ATXN1: variants seen among roughly 807,000 people sequenced by gnomAD.
ATXN1 encodes ataxin 1.
A neutral mutation model predicts 56.4 loss-of-function variants in ATXN1; 8 were observed. The observed-to-expected ratio is 0.14, with a 90% CI of 0.08 to 0.26. The LOEUF (loss-of-function observed/expected upper bound fraction) is 0.26, where lower values mean the gene tolerates loss of function less well. ATXN1 is among the 10% of genes least tolerant of loss of function. The pLI, the probability that ATXN1 is intolerant of heterozygous loss-of-function variation, is 1.00. For synonymous variants in ATXN1, 514 were observed against 494.6 expected (o/e 1.04, Z -0.52); for missense variants, 987 against 1,106.5 (o/e 0.89, Z 1.53).
intron 3 of ATXN1, among the ~76,000 whole-genome samples, chr6:16,610,944 C>A (rs573384755): frequency 6.6e-6 from 1 of 152,002 alleles, no homozygotes; most frequent in Admixed American, 6.6e-5. Context: ...GGTGGGGGAT[C>A]CTTTAGAGCC....
intron 5 of ATXN1, among the ~76,000 whole-genome samples, chr6:16,507,846 C>T (rs1366407739): frequency 6.6e-6 from 1 of 152,098 alleles, no homozygotes; most frequent in Non-Finnish European, 1.5e-5. Flanking sequence ...TTCCTAGTTG[C>T]AAGCACTGGA....
At chr6:16,579,231 TA>T (rs913537033) in intron 4 of ATXN1, among the ~76,000 whole-genome samples, 16 of 152,258 alleles carry the variant, frequency 1.1e-4, no homozygotes, top group Non-Finnish European at 1.8e-4. Flanking sequence ...AGGAGGTCAT[TA>T]GCTCCACCTG....
At chr6:16,511,750 G>T (rs767191800) in intron 5 of ATXN1, among the ~76,000 whole-genome samples, 1 of 152,164 alleles carries the variant, frequency 6.6e-6, no homozygotes, top group Non-Finnish European at 1.5e-5. Context: ...CAAGTTGATA[G>T]TCCACCCATT....
intron 4 of ATXN1, among the ~76,000 whole-genome samples, chr6:16,554,311 C>T (rs1023258690): frequency 6.6e-6 from 1 of 152,192 alleles, no homozygotes; most frequent in Non-Finnish European, 1.5e-5. Flanking sequence ...TGCGTTTAGC[C>T]CTGTGCTAAG....
At chr6:16,323,539 AAAAAAAAAAAAAAAAATAG>A (rs1199895549) in intron 7 of ATXN1, among the ~76,000 whole-genome samples, 1 of 150,394 alleles carries the variant, frequency 6.6e-6, no homozygotes. Flanking sequence ...AAAAAAAAAA[AAAAAAAAAAAAAAAAATAG>A]AAGAGTCTGG....
At chr6:16,461,501 G>A (rs760576066) in intron 6 of ATXN1, among the ~76,000 whole-genome samples, 6 of 152,200 alleles carry the variant, frequency 3.9e-5, no homozygotes, top group Non-Finnish European at 5.9e-5. Flanking sequence ...CCCTTTTGGG[G>A]AACAAAGAAT....
At chr6:16,472,253 T>G (rs890495989) in intron 6 of ATXN1, among the ~76,000 whole-genome samples, 4 of 152,192 alleles carry the variant, frequency 2.6e-5, no homozygotes, top group East Asian at 1.9e-4. Flanking sequence ...ACATACATAT[T>G]TATAAAGAGA....
intron 4 of ATXN1, among the ~76,000 whole-genome samples, chr6:16,535,799 C>T (rs973741571): frequency 5.3e-5 from 8 of 152,150 alleles, no homozygotes; most frequent in African/African-American, 1.7e-4. Context: ...CTGACACAAC[C>T]TCGGCTGAGG....
chr6:16,681,696 T>C (rs2113401256), intron 2 of ATXN1, among the ~76,000 whole-genome samples: 1 of 152,312 alleles, frequency 6.6e-6, no homozygotes. Context: ...TATATATTTT[T>C]CAAGTCATGA....
intron 6 of ATXN1, among the ~76,000 whole-genome samples, chr6:16,353,262 C>T (rs1177671212): frequency 6.6e-6 from 1 of 152,166 alleles, no homozygotes; most frequent in Non-Finnish European, 1.5e-5. Context: ...CTCAACAAGG[C>T]TGAGAACGAG....
chr6:16,619,884 A>G (rs1384333071), intron 3 of ATXN1, among the ~76,000 whole-genome samples: 1 of 149,430 alleles, frequency 6.7e-6, no homozygotes, highest in African/African-American at 2.5e-5. Flanking sequence ...CTCTAAGGGA[A>G]AAAAAAAAAG....
intron 6 of ATXN1, among the ~76,000 whole-genome samples, chr6:16,396,013 C>CAAAA (rs59358244): frequency 1.2e-4 from 5 of 42,238 alleles, no homozygotes; most frequent in South Asian, 1.2e-3. Context: ...GACTCCGTCT[C>CAAAA]AAAAAAAAAA....
chr6:16,437,387 CAT>C (rs1230427329), intron 6 of ATXN1, among the ~76,000 whole-genome samples: 3 of 152,194 alleles, frequency 2.0e-5, no homozygotes, highest in South Asian at 2.1e-4. Flanking sequence ...AAAAGCTACA[CAT>C]GTCTACATGG....
intron 7 of ATXN1, among the ~76,000 whole-genome samples, chr6:16,324,011 T>C (rs984535020): frequency 6.6e-6 from 1 of 152,180 alleles, no homozygotes; most frequent in Non-Finnish European, 1.5e-5. Context: ...TGACATCTCA[T>C]AATACAAAGA....
intron 2 of ATXN1, chr6:16,737,914 T>A (rs1020683374): frequency 1.3e-5 from 2 of 152,100 alleles, no homozygotes; most frequent in South Asian, 2.1e-4. Flanking sequence ...AAATTAGTTA[T>A]AAACACAGAA....
chr6:16,387,614 T>C (rs1758268117), intron 6 of ATXN1, among the ~76,000 whole-genome samples: 1 of 152,182 alleles, frequency 6.6e-6, no homozygotes. Flanking sequence ...CGGGAGTGCT[T>C]GTTGTGTTGT....
chr6:16,754,410 G>C (rs963198097), intron 1 of ATXN1, among the ~76,000 whole-genome samples: 1 of 152,142 alleles, frequency 6.6e-6, no homozygotes, highest in African/African-American at 2.4e-5. Context: ...TTGGATGTCA[G>C]AAAGAAACTA....
At chr6:16,620,120 AC>A (rs753823305) in intron 3 of ATXN1, among the ~76,000 whole-genome samples, 1 of 151,908 alleles carries the variant, frequency 6.6e-6, no homozygotes, top group Non-Finnish European at 1.5e-5. Flanking sequence ...TAAAACAATA[AC>A]CCCCCTCAAC....
chr6:16,748,485 A>G (rs1387830749), intron 2 of ATXN1, among the ~76,000 whole-genome samples: 1 of 152,200 alleles, frequency 6.6e-6, no homozygotes, highest in African/African-American at 2.4e-5. Flanking sequence ...ACAGCTGGGA[A>G]ACCTTGGGGA....
Sources: allele counts gnomAD v4.1 joint callset (sites outside exome capture counted in the v4.1 genomes callset), GRCh38; gene constraint gnomAD v4.1.1; transcripts MANE v1.5; gene names NCBI Gene and HGNC (gene_info 2026-07-23, HGNC 2026-07-21).